Variants in NAALADL2 observed in about 807,000 individuals in gnomAD.
NAALADL2 encodes the protein N-acetylated alpha-linked acidic dipeptidase like 2.
In NAALADL2, 76 loss-of-function variants were observed where a neutral mutation model predicts 87.2. The ratio of observed to expected loss-of-function variants is 0.87; its 90% confidence interval spans 0.72 to 1.05. The LOEUF (loss-of-function observed/expected upper bound fraction) is 1.05, where lower values mean the gene tolerates loss of function less well. Ranked by LOEUF, NAALADL2 falls within the 50% of genes least tolerant of loss-of-function variation. The pLI is 0.00. For synonymous variants in NAALADL2, 354 were observed against 331.0 expected, an observed-to-expected ratio of 1.07 and a Z score of -0.75; for missense variants, 1,089 against 945.8, an observed-to-expected ratio of 1.15 and a Z score of -1.99.
chr3:174,518,343 T>C (rs1162805768), intron 1 of NAALADL2, among the ~76,000 whole-genome samples: 2 of 152,210 alleles, frequency 1.3e-5, no homozygotes, highest in African/African-American at 2.4e-5. Context: ...TTTAATACTT[T>C]CTGTCCAGTA....
intron 9 of NAALADL2, among the ~76,000 whole-genome samples, chr3:175,513,072 A>G (rs954350668): frequency 6.6e-6 from 1 of 152,172 alleles, no homozygotes; most frequent in Admixed American, 6.5e-5. Context: ...ATGCTGCCCC[A>G]GTTTCTGTGT....
At chr3:175,089,024 GAA>G (rs11425531) in intron 1 of NAALADL2, among the ~76,000 whole-genome samples, 41 of 150,662 alleles carry the variant, frequency 2.7e-4, no homozygotes, top group South Asian at 1.7e-3. Context: ...AACAGCAGGA[GAA>G]AAAAAAAATT....
Position 174,638,915 on chromosome 3 carries a change from A to G in NAALADL2, c.-115+88278A>G, listed in dbSNP as rs1202438170. On this transcript the variant is annotated intron_variant, in intron 2 of 3. Coordinates refer to the NAALADL2 transcript ENST00000434257. The stretch of plus-strand genomic sequence containing the variant: ...TTCTTTAAGAGTTTTTGAGGTTGGT[A>G]TAATTATCAAATATCTATTTTGCTG... Among the ~76,000 whole-genome samples, 3 of 152,200 alleles carry G rather than the reference A, an allele frequency of 2.0e-5. No individual in the cohort carries two copies. In the South Asian group the frequency reaches 6.2e-4, roughly 31 times the overall value.
chr3:175,320,788 A>G (rs1460514810), intron 4 of NAALADL2, among the ~76,000 whole-genome samples: 1 of 152,048 alleles, frequency 6.6e-6, no homozygotes, highest in African/African-American at 2.4e-5. Flanking sequence ...TAAACCAGGA[A>G]GAAGTTGAAT....
At chr3:174,750,913 C>A (rs142559693) in intron 3 of NAALADL2, among the ~76,000 whole-genome samples, 1,624 of 152,120 alleles carry the variant, frequency 0.011, 39 homozygotes, top group African/African-American at 0.038. Flanking sequence ...TTTTTTCTCT[C>A]AGTATGTTTG....
At chr3:175,331,655 A>G (rs76638300) in intron 5 of NAALADL2, among the ~76,000 whole-genome samples, 2,842 of 152,284 alleles carry the variant, frequency 0.019, 77 homozygotes, top group African/African-American at 0.066. Flanking sequence ...TTAATACCAT[A>G]CTAAATGGGG....
chr3:174,876,404 C>T (rs1186832051), intron 1 of NAALADL2, among the ~76,000 whole-genome samples: 1 of 152,180 alleles, frequency 6.6e-6, no homozygotes, highest in Non-Finnish European at 1.5e-5. Flanking sequence ...CTGTCCCTCC[C>T]ACCACATAAC....
intron 1 of NAALADL2, among the ~76,000 whole-genome samples, chr3:174,876,515 TAC>T (rs1391670734): frequency 6.6e-6 from 1 of 152,194 alleles, no homozygotes; most frequent in Non-Finnish European, 1.5e-5. Context: ...AGGTAGGAGA[TAC>T]AGTTTTGTGT....
intron 3 of NAALADL2, among the ~76,000 whole-genome samples, chr3:174,799,692 T>C (rs1177649828): frequency 1.3e-5 from 2 of 152,042 alleles, no homozygotes; most frequent in Non-Finnish European, 2.9e-5. Flanking sequence ...TACCCAAAAA[T>C]GTGGAAGTGA....
At chr3:175,718,541 A>G in intron 11 of NAALADL2, 5 of 1,591,948 alleles carry the variant, frequency 3.1e-6, no homozygotes, top group Non-Finnish European at 4.3e-6. Context: ...TGTAAGTGTC[A>G]TGTCTTCGTC....
In NAALADL2 at chr3:175,296,114, A is replaced by T. The variant is rs534506928; in HGVS notation, c.940-28061A>T. ...AGTCTCTGCTACAAGCTCTCTGAAG[A>T]TATAGTCCATAACTAACTTCTCTGT... On this transcript the variant is annotated intron_variant, in intron 4 of 13. Coordinates refer to ENST00000454872, the MANE Select transcript of NAALADL2 (RefSeq NM_207015.3). 3.3e-5 allele frequency among the ~76,000 whole-genome samples: 5 copies of T among 152,320 alleles called. No individual in the cohort carries two copies. In the South Asian group the frequency reaches 1.0e-3, roughly 32 times the overall value.
At chr3:175,089,717 T>C (rs1483289291) in intron 1 of NAALADL2, among the ~76,000 whole-genome samples, 1 of 152,100 alleles carries the variant, frequency 6.6e-6, no homozygotes, top group African/African-American at 2.4e-5. Context: ...GAGCATATTC[T>C]CAATACAGAA....
intron 1 of NAALADL2, among the ~76,000 whole-genome samples, chr3:174,954,723 C>T (rs1740905508): frequency 6.6e-6 from 1 of 152,044 alleles, no homozygotes; most frequent in Admixed American, 6.6e-5. Flanking sequence ...ATAATGTGAA[C>T]ATGGAGAGTA....
intron 11 of NAALADL2, among the ~76,000 whole-genome samples, chr3:175,702,240 G>A (rs902356246): frequency 5.3e-5 from 8 of 152,174 alleles, no homozygotes; most frequent in African/African-American, 1.2e-4. Context: ...CTCTCTGCAC[G>A]TCACAATGCA....
At chr3:175,640,791 T>A (rs1488754840) in intron 11 of NAALADL2, among the ~76,000 whole-genome samples, 2 of 152,208 alleles carry the variant, frequency 1.3e-5, no homozygotes, top group Non-Finnish European at 1.5e-5. Flanking sequence ...ACAAGTGTTG[T>A]ATACGAGTTT....
At chr3:175,192,421 C>T (rs1738349375) in intron 2 of NAALADL2, among the ~76,000 whole-genome samples, 1 of 151,932 alleles carries the variant, frequency 6.6e-6, no homozygotes, top group East Asian at 1.9e-4. Flanking sequence ...ATCCGTTTGT[C>T]GTATTAGTTT....
chr3:175,201,545 T>C (rs920195359), intron 2 of NAALADL2, among the ~76,000 whole-genome samples: 2 of 152,182 alleles, frequency 1.3e-5, no homozygotes, highest in Non-Finnish European at 2.9e-5. Context: ...CAATAAGACA[T>C]TATAACTAGG....
At chr3:175,220,246 G>A (rs1220230066) in intron 2 of NAALADL2, among the ~76,000 whole-genome samples, 1 of 151,652 alleles carries the variant, frequency 6.6e-6, no homozygotes, top group Non-Finnish European at 1.5e-5. Context: ...AAAAGTTTTG[G>A]ACAATTCCAT....
At chr3:175,724,505 T>C (rs1031444539) in intron 11 of NAALADL2, among the ~76,000 whole-genome samples, 2 of 152,152 alleles carry the variant, frequency 1.3e-5, no homozygotes, top group African/African-American at 4.8e-5. Context: ...GTATTTTTTC[T>C]ATTTTTAAAA....
Sources: gnomAD v4.1 joint callset for allele counts (sites outside exome capture counted in the v4.1 genomes callset) on GRCh38, gnomAD v4.1.1 for gene constraint, MANE v1.5 for transcripts, NCBI Gene and HGNC (gene_info 2026-07-23, HGNC 2026-07-21) for gene names.